Variants in TPO observed in about 807,000 individuals in gnomAD.
The protein encoded by TPO is thyroid peroxidase, also known as thyroid microsomal antigen.
A neutral mutation model predicts 96.9 loss-of-function variants in TPO; 78 were observed. The observed-to-expected ratio is 0.81, with a 90% CI of 0.67 to 0.97. The LOEUF (loss-of-function observed/expected upper bound fraction) is 0.97. Ranked by LOEUF, TPO falls within the 50% of genes least tolerant of loss-of-function variation. TPO has a pLI of 0.00. For missense variants in TPO, 1,252 were observed against 1,274.8 expected, an observed-to-expected ratio of 0.98 and a Z score of 0.27; for synonymous variants, 547 against 538.0, an observed-to-expected ratio of 1.02 and a Z score of -0.23.
intron 5 of TPO, among the ~76,000 whole-genome samples, chr2:1,444,062 C>G (rs1261214626): frequency 7.0e-6 from 1 of 143,620 alleles, no homozygotes; most frequent in Non-Finnish European, 1.5e-5. Flanking sequence ...TTGTATGATC[C>G]AGTCATTGCT....
At chr2:1,409,793 C>G (rs932831692), upstream of TPO, among the ~76,000 whole-genome samples, 1 of 107,072 alleles carries the variant, frequency 9.3e-6, no homozygotes, top group Non-Finnish European at 1.9e-5. Context: ...AAACAGTGCG[C>G]GCACACACAC....
At position 1,538,117 on chromosome 2, in the gene TPO, CCCCGCACTGTGTTCAACCTTCTCAAATA is replaced by C. The variant is rs1375864104; in HGVS notation, c.2619-2473_2619-2446del. 9.9e-5 allele frequency among the ~76,000 whole-genome samples: 11 copies of C among 110,638 alleles called. No individual in the cohort carries two copies. In the East Asian group the frequency reaches 1.1e-3, roughly 11 times the overall value. The allele number at this position is 110,638 out of a possible 152,430, so 72.6% of individuals were successfully genotyped here. ...CCCACTGTGTGCAACCTCCTCAAAT[CCCCGCACTGTGTTCAACCTTCTCAAATA>C]CCCCATACTGTGTACAACCTCCTCA... On this transcript the variant is annotated intron_variant, in intron 15 of 16. Transcript: ENST00000329066.
In TPO at chr2:1,521,403, G is replaced by A. The variant is rs974718098; in HGVS notation, c.2618+4421G>A. 9.2e-5 allele frequency among the ~76,000 whole-genome samples: 14 copies of A among 152,130 alleles called. No homozygotes were observed. The East Asian group carries it at 1.2e-3, about 13-fold the overall frequency. ...GAGGGAGGCCAGCTGGGACTAGGCCGAGGCAGCCATGGGGCAGTGGGCCAC... is the reference window on the plus strand; with the variant it reads ...GAGGGAGGCCAGCTGGGACTAGGCCAAGGCAGCCATGGGGCAGTGGGCCAC... On this transcript the variant is annotated intron_variant, in intron 15 of 16. Transcript: ENST00000329066.
chr2:1,509,839 G>GCA (rs1320609402), intron 14 of TPO, among the ~76,000 whole-genome samples: 1 of 146,756 alleles, frequency 6.8e-6, no homozygotes, highest in Non-Finnish European at 1.5e-5. Flanking sequence ...CTTGTTTCAG[G>GCA]CACACACACC....
Position 1,478,362 on chromosome 2 carries a change from G to A in TPO, c.1338+758G>A, listed in dbSNP as rs758175232. The stretch of plus-strand genomic sequence containing the variant: ...TGTCTGTTGCACCAGGCCCTGTGGC[G>A]GCCTGGGCATCGTGTCTGCAGTCCT... On this transcript the variant is annotated intron_variant, in intron 8 of 16. Transcript: ENST00000329066. 1.1e-3 allele frequency: 1,039 copies of A among 985,274 alleles called. 2 individuals are homozygous for A. The highest frequency in any genetic ancestry group is 1.2e-3 in the Non-Finnish European group (967 of 829,942). 61.0% of individuals were successfully genotyped at this position (985,274 alleles called of 1,614,324 possible). A position where few individuals can be genotyped will look rare whatever the true frequency, so the allele number is the denominator to read the frequency against.
chr2:1,512,529 C>T, intron 14 of TPO: 1 of 967,112 alleles, frequency 1.0e-6, no homozygotes, highest in South Asian at 4.8e-5. Flanking sequence ...GCTGTCCCTG[C>T]CCCGCTCCGC....
chr2:1,455,911 C>G (rs932740351), intron 6 of TPO, among the ~76,000 whole-genome samples, 165 bp from the exon 7 acceptor site: 4 of 152,142 alleles, frequency 2.6e-5, no homozygotes, highest in Admixed American at 2.0e-4. Context: ...CATCTGTCTT[C>G]AAAGCTTATG....
chr2:1,426,707 A>G (rs918731742), intron 3 of TPO, among the ~76,000 whole-genome samples: 6 of 152,244 alleles, frequency 3.9e-5, no homozygotes, highest in African/African-American at 1.4e-4. Context: ...AAGGCACTTC[A>G]TTTAGGGATG....
intron 1 of TPO, among the ~76,000 whole-genome samples, chr2:1,386,538 G>C (rs148082555): frequency 0.07 from 10,612 of 152,098 alleles, 936 homozygotes; most frequent in East Asian, 0.31. Flanking sequence ...TGCAACCCCT[G>C]CCTTTTTTTG....
Position 1,423,353 on chromosome 2 carries a change from T to C in TPO, c.179+224T>C, listed in dbSNP as rs186073005. Among the ~76,000 whole-genome samples, 562 of 152,308 alleles carry C rather than the reference T, an allele frequency of 3.7e-3. 1 individual carries two copies. The highest frequency in any genetic ancestry group is 0.013 in the African/African-American group (543 of 41,568). On this transcript the variant is annotated intron_variant, in intron 3 of 16. Coordinates refer to ENST00000329066, the MANE Select transcript of TPO (RefSeq NM_001206744.2). ...CAAAGGAGGAGCACCCTGATGCAAT[T>C]AGCAATTACGTATACCCTGGTTAAA...
chr2:1,484,823 T>C lies in TPO; in HGVS notation c.1566T>C (p.Ala522=), dbSNP rs17091745. The C allele has an allele frequency of 3.1e-3, 5,047 of 1,613,962 alleles. 112 individuals carry two copies. The African/African-American group carries it at 0.055, about 18-fold the overall frequency. Residue 522 remains alanine (A), a synonymous_variant, in exon 9 of 17, where the codon GCT becomes GCC. Transcript: ENST00000329066. ...PDLPGLWLHQ[A]FFSPWTLLRG... is the part of the protein sequence containing the mutation. ...TGCCCGGGCTGTGGCTGCACCAGGC[T>C]TTCTTCAGCCCATGGACATTACTCC...
chr2:1,524,388 C>G (rs1288554944), intron 15 of TPO, among the ~76,000 whole-genome samples: 7 of 116,728 alleles, frequency 6.0e-5, no homozygotes, highest in African/African-American at 1.3e-4. Flanking sequence ...AAATCCCCCC[C>G]ACTCTGTGCA....
chr2:1,397,393 G>T (rs548212452), intron 1 of TPO, among the ~76,000 whole-genome samples: 77 of 152,266 alleles, frequency 5.1e-4, no homozygotes, highest in African/African-American at 1.7e-3. Flanking sequence ...TTCCCTGAGT[G>T]CCCTGAGTGC....
In TPO at chr2:1,384,524, G is replaced by T. The variant is rs185270333; in HGVS notation, n.180+10122G>T. ...TTGGCTCTTTGTTTGTGTGTTTTTGGTGTATAAGAATGCTTGTGATTTTTG... is the reference window on the plus strand; with the variant it reads ...TTGGCTCTTTGTTTGTGTGTTTTTGTTGTATAAGAATGCTTGTGATTTTTG... On this transcript the variant is annotated intron_variant and non_coding_transcript_variant, in intron 1 of 5. Transcript: ENST00000497517. 8.5e-3 allele frequency among the ~76,000 whole-genome samples: 1,298 copies of T among 152,232 alleles called. 16 individuals are homozygous for T. Among genetic ancestry groups the T allele is most frequent in the African/African-American group, 0.029 (1,199 of 41,520 alleles).
At chr2:1,447,087 A>C (rs1433178482) in intron 5 of TPO, among the ~76,000 whole-genome samples, 1 of 152,224 alleles carries the variant, frequency 6.6e-6, no homozygotes, top group Non-Finnish European at 1.5e-5. Context: ...AGGGTGTTCC[A>C]AAGCTAACCT....
At chr2:1,440,098 T>C (rs958310235) in intron 5 of TPO, among the ~76,000 whole-genome samples, 7 of 151,912 alleles carry the variant, frequency 4.6e-5, no homozygotes, top group Non-Finnish European at 7.4e-5. Context: ...GTGCTGCGTT[T>C]CCACTGTGCT....
intron 14 of TPO, among the ~76,000 whole-genome samples, chr2:1,510,993 C>T (rs1026212745): frequency 6.6e-6 from 1 of 152,014 alleles, no homozygotes; most frequent in Non-Finnish European, 1.5e-5. Context: ...ATTCAGGCAT[C>T]GATATAAAAG....
At chr2:1,456,399 T>C (rs1174341940) in intron 7 of TPO, 117 bp downstream of exon 7, 4 of 1,138,752 alleles carry the variant, frequency 3.5e-6, no homozygotes, top group South Asian at 1.4e-5. Context: ...TTCCCAGGGG[T>C]AGCAGTTGTG....
chr2:1,511,203 C>G (rs1674077185), intron 14 of TPO, among the ~76,000 whole-genome samples: 1 of 150,954 alleles, frequency 6.6e-6, no homozygotes, highest in South Asian at 2.1e-4. Context: ...ACAGCACAGC[C>G]CTGCAGACTG....
Sources: gnomAD v4.1 joint callset for allele counts (sites outside exome capture counted in the v4.1 genomes callset) on GRCh38, gnomAD v4.1.1 for gene constraint, MANE v1.5 for transcripts, NCBI Gene and HGNC (gene_info 2026-07-23, HGNC 2026-07-21) for gene names.